The following GALNT5 variants were observed in gnomAD, a reference collection of about 807,000 sequenced individuals.
GALNT5 encodes the protein polypeptide N-acetylgalactosaminyltransferase 5.
In GALNT5, 72 loss-of-function variants were observed where a neutral mutation model predicts 85.4. The ratio of observed to expected loss-of-function variants is 0.84; its 90% CI spans 0.70 to 1.03. The LOEUF is 1.03. Ranked by LOEUF, GALNT5 falls within the 50% of genes least tolerant of loss-of-function variation. GALNT5 has a pLI of 0.00. For synonymous variants in GALNT5, 404 were observed against 397.0 expected, an observed-to-expected ratio of 1.02 and a Z score of -0.21; for missense variants, 1,137 against 1,135.5, an observed-to-expected ratio of 1.00 and a Z score of -0.02.
At chr2:157,290,835 CTG>C (rs886202846) in intron 3 of GALNT5, among the ~76,000 whole-genome samples, 4 of 152,078 alleles carry the variant, frequency 2.6e-5, no homozygotes, top group African/African-American at 7.2e-5. Context: ...AAGAGGCTCT[CTG>C]AAAGTCTGCA....
Position 157,258,622 on chromosome 2 carries a change from G to A in GALNT5, c.540G>A (p.Gln180=). 6.2e-7 allele frequency: 1 copy of A among 1,613,726 alleles called. No homozygotes were observed. The highest frequency in any genetic ancestry group is 1.1e-5 in the South Asian group (1 of 91,036). Residue 180 remains glutamine (Q), a synonymous_variant, in exon 1 of 10, where the codon CAG becomes CAA. Transcript: ENST00000259056. Reference sequence around the variant, plus strand: ...CATTCATAGCAGCAAAAGGAACTCAGGTAGTCAAAATATCAGTACACATGG... The same window carrying A: ...CATTCATAGCAGCAAAAGGAACTCAAGTAGTCAAAATATCAGTACACATGG... ...KTSFIAAKGT[Q]VVKISVHMGR... is the part of the protein sequence containing the mutation.
chr2:157,303,800 G>A (rs7606025), intron 7 of GALNT5, among the ~76,000 whole-genome samples: 124,317 of 152,180 alleles, frequency 0.82, 52,099 homozygotes, highest in South Asian at 0.92. Context: ...AATGCTTTTC[G>A]GTTCTTGGAA....
intron 1 of GALNT5, among the ~76,000 whole-genome samples, chr2:157,275,740 T>C (rs935746609): frequency 6.6e-6 from 1 of 152,092 alleles, no homozygotes; most frequent in Non-Finnish European, 1.5e-5. Context: ...AACAATGGAG[T>C]TTTTTAAATA....
intron 1 of GALNT5, among the ~76,000 whole-genome samples, chr2:157,261,288 G>C (rs1406368952): frequency 6.6e-6 from 1 of 152,206 alleles, no homozygotes; most frequent in Non-Finnish European, 1.5e-5. Context: ...TGCGTGGCGG[G>C]GGTGGGGGTG....
rs1558904851 is a variant in GALNT5 at position 157,305,752 on chromosome 2, A to C, written c.2443A>C (p.Ile815Leu). 6.3e-7 allele frequency: 1 copy of C among 1,586,520 alleles called. No homozygotes were observed. Among genetic ancestry groups the C allele is most frequent in the Non-Finnish European group, 8.7e-7 (1 of 1,155,964 alleles). Residue 815 changes from isoleucine to leucine, a missense_variant, in exon 8 of 10, where the codon ATT becomes CTT. Ile to Leu is a conservative substitution (Grantham distance 5, BLOSUM62 2). Transcript: ENST00000259056. Reference protein sequence around the residue: ...APIVRASGVLINVALGKCISI... With the variant: ...APIVRASGVLLNVALGKCISI... ...TGTTTCGTATTTTGCTTTTTAGCTT[A>C]TTAATGTGGCTTTGGGTAAATGCAT...
rs565755523 is a variant in GALNT5 at position 157,270,793 on chromosome 2, T to G, written c.1454+11257T>G. ...GATGAATGCTGTGACAGAAACACAA[T>G]AATAGAGAATAATAAAAGAATAGTT... is the stretch of plus-strand genomic sequence containing the variant. On this transcript the variant is annotated intron_variant, in intron 1 of 9. Transcript: ENST00000259056. Among the ~76,000 whole-genome samples the G allele has an allele frequency of 2.6e-5, 4 of 152,206 alleles. No individual in the cohort carries two copies. In the South Asian group the frequency reaches 8.3e-4, roughly 32 times the overall value.
intron 1 of GALNT5, among the ~76,000 whole-genome samples, chr2:157,267,326 G>A (rs1258874574): frequency 6.6e-6 from 1 of 152,104 alleles, no homozygotes; most frequent in East Asian, 1.9e-4. Context: ...TTCTTCCAAG[G>A]GCCAGTGGGA....
chr2:157,291,588 G>A (rs1208497845), intron 3 of GALNT5, among the ~76,000 whole-genome samples: 2 of 151,484 alleles, frequency 1.3e-5, no homozygotes, highest in Non-Finnish European at 2.9e-5. Flanking sequence ...TGCTCAACAA[G>A]GACCCAAAAT....
rs373325768 is a variant in GALNT5 at position 157,258,375 on chromosome 2, T to A, written c.293T>A (p.Val98Glu). Reference protein sequence around the residue: ...KENVRKTEESVLKVEVDLDQT... With the variant: ...KENVRKTEESELKVEVDLDQT... ...AATGTTAGAAAAACTGAGGAGAGTG[T>A]GCTCAAGGTTGAGGTGGACTTGGAC... The change falls in exon 1 of 10, where the codon GTG becomes GAG. Residue 98 changes from valine to glutamate, a missense_variant. Physicochemically the swap from Val to Glu is moderately radical, Grantham distance 121. Transcript: ENST00000259056. The A allele has an allele frequency of 1.1e-5, 18 of 1,610,200 alleles. No individual in the cohort carries two copies. The African/African-American group carries it at 2.3e-4, about 20-fold the overall frequency.
At chr2:157,287,656 T>A (rs750370512) in intron 3 of GALNT5, among the ~76,000 whole-genome samples, 3 of 152,234 alleles carry the variant, frequency 2.0e-5, no homozygotes, top group Non-Finnish European at 4.4e-5. Flanking sequence ...ATTCTTCCTA[T>A]GGTTCTTTCT....
At chr2:157,308,903 C>A (rs1393739792) in intron 9 of GALNT5, among the ~76,000 whole-genome samples, 175 bp downstream of exon 9, 1 of 149,726 alleles carries the variant, frequency 6.7e-6, no homozygotes, top group Non-Finnish European at 1.5e-5. Flanking sequence ...TTGACAAGTC[C>A]TTTTTTTTTT....
chr2:157,261,998 AAGAG>A (rs966735869), intron 1 of GALNT5, among the ~76,000 whole-genome samples: 8 of 152,108 alleles, frequency 5.3e-5, no homozygotes, highest in African/African-American at 1.4e-4. Context: ...GTGTGAAAGA[AAGAG>A]AGAGAGAAAT....
chr2:157,276,454 T>G (rs571334494), intron 1 of GALNT5, among the ~76,000 whole-genome samples: 2 of 152,228 alleles, frequency 1.3e-5, no homozygotes, highest in Non-Finnish European at 2.9e-5. Context: ...CATCTGGTCC[T>G]GGACTTTTTT....
At chr2:157,285,694 G>A (rs1199055024) in intron 2 of GALNT5, among the ~76,000 whole-genome samples, 1 of 152,174 alleles carries the variant, frequency 6.6e-6, no homozygotes, top group Non-Finnish European at 1.5e-5. Flanking sequence ...GAATTGTGCA[G>A]AAGCCTGAGC....
chr2:157,278,320 G>C (rs1406860007), intron 1 of GALNT5, among the ~76,000 whole-genome samples: 1 of 152,120 alleles, frequency 6.6e-6, no homozygotes, highest in African/African-American at 2.4e-5. Context: ...TCTTCTCATG[G>C]AGTATCTTTG....
intron 1 of GALNT5, among the ~76,000 whole-genome samples, chr2:157,265,511 G>GA (rs541068034): frequency 2.6e-3 from 400 of 152,326 alleles, no homozygotes; most frequent in African/African-American, 6.4e-3. Flanking sequence ...TAAATACTGT[G>GA]AAAGCCCTAG....
intron 5 of GALNT5, among the ~76,000 whole-genome samples, chr2:157,298,611 C>T (rs2105159711): frequency 6.6e-6 from 1 of 152,376 alleles, no homozygotes. Context: ...GGCCCACTCC[C>T]ACCCTGTGGA....
At chr2:157,269,213 T>C (rs1186627292) in intron 1 of GALNT5, among the ~76,000 whole-genome samples, 3 of 152,190 alleles carry the variant, frequency 2.0e-5, no homozygotes, top group Non-Finnish European at 4.4e-5. Context: ...GGTTTCCCAC[T>C]GTTCCTTTGA....
intron 1 of GALNT5, among the ~76,000 whole-genome samples, chr2:157,278,440 T>C (rs1175526637): frequency 2.0e-5 from 3 of 152,242 alleles, no homozygotes; most frequent in Non-Finnish European, 4.4e-5. Context: ...CCCATCACTT[T>C]CAGGTACACT....
Sources: allele counts gnomAD v4.1 joint callset (sites outside exome capture counted in the v4.1 genomes callset), GRCh38; gene constraint gnomAD v4.1.1; transcripts MANE v1.5; gene names NCBI Gene and HGNC (gene_info 2026-07-23, HGNC 2026-07-21).